FBXO17: variants seen among roughly 807,000 people sequenced by gnomAD.
The protein encoded by FBXO17 is F-box only protein 17.
FBXO17 carries 43 observed loss-of-function variants against 34.1 expected under a neutral mutation model. The observed-to-expected ratio is 1.26, with a 90% CI of 0.99 to 1.62. The LOEUF (loss-of-function observed/expected upper bound fraction) is 1.62, where lower values mean the gene tolerates loss of function less well. Among genes scored for constraint, FBXO17 ranks in the 40% most tolerant of loss-of-function variants. FBXO17 has a pLI of 0.00. For missense variants in FBXO17, 424 were observed against 386.7 expected, an observed-to-expected ratio of 1.10 and a Z score of -0.81; for synonymous variants, 169 against 166.0, an observed-to-expected ratio of 1.02 and a Z score of -0.14.
In FBXO17 at chr19:38,942,452, C is replaced by A. The variant is rs1221181314; in HGVS notation, c.*156G>T. ...ATTTTTTAAAAATTATTTGTGGAGA[C>A]GGTTTCACTATGTTGCCCAGGCTGG... On this transcript the variant is annotated 3_prime_UTR_variant, in exon 6 of 6. Transcript: ENST00000292852. 2 of 675,526 alleles carry A rather than the reference C, an allele frequency of 3.0e-6. No individual in the cohort carries two copies. The highest frequency in any genetic ancestry group is 2.2e-6 in the Non-Finnish European group (1 of 460,880). The allele number at this position is 675,526 out of a possible 1,614,324, so 41.8% of individuals were successfully genotyped here.
intron 1 of FBXO17, among the ~76,000 whole-genome samples, chr19:38,956,090 A>G (rs1600196656): frequency 6.6e-6 from 1 of 151,530 alleles, no homozygotes; most frequent in Non-Finnish European, 1.5e-5. Flanking sequence ...ACATGGCGAA[A>G]CCCCATCTCT....
Position 38,946,556 on chromosome 19 carries a change from T to C in FBXO17, c.473A>G (p.Lys158Arg). The change falls in exon 4 of 6, where the codon AAG becomes AGG. Residue 158 changes from lysine to arginine, a missense_variant. Physicochemically the swap from Lys to Arg is conservative, Grantham distance 26 (BLOSUM62 2). Transcript: ENST00000292852. The part of the protein sequence containing the change: ...CFVTSFEWCS[K>R]RQLVDLVMEG... ...CATCACCAGGTCCACAAGCTGCCTCTTGGAGCACCATCTGGGAAGGAGAGA... is the reference window on the plus strand; with the variant it reads ...CATCACCAGGTCCACAAGCTGCCTCCTGGAGCACCATCTGGGAAGGAGAGA... The C allele has an allele frequency of 6.2e-7, 1 of 1,613,990 alleles. No individual in the cohort carries two copies. The highest frequency in any genetic ancestry group is 8.5e-7 in the Non-Finnish European group (1 of 1,179,926).
chr19:38,948,078 C>T (rs1764245680), intron 3 of FBXO17, among the ~76,000 whole-genome samples: 1 of 150,858 alleles, frequency 6.6e-6, no homozygotes, highest in African/African-American at 2.4e-5. Flanking sequence ...GCAATCTCGG[C>T]TCACTGCAAC....
chr19:38,950,327 A>G lies in FBXO17; in HGVS notation c.-8T>C. 1 of 1,421,500 alleles carries G rather than the reference A, an allele frequency of 7.0e-7. No individual in the cohort carries two copies. The allele number at this position is 1,421,500 out of a possible 1,614,324, so 88.1% of individuals were successfully genotyped here. On this transcript the variant is annotated 5_prime_UTR_variant, in exon 2 of 6. Transcript: ENST00000292852. ...CGATAGCCGGGCGCCCATCTCCAGT[A>G]GCCAGAGTCCTGCAGGTCGAGAGGG... is the stretch of plus-strand genomic sequence containing the variant.
chr19:38,958,906 TTC>T (rs1436727355), intron 1 of FBXO17, among the ~76,000 whole-genome samples: 2 of 151,986 alleles, frequency 1.3e-5, no homozygotes, highest in African/African-American at 2.4e-5. Context: ...CTCTCTCTCT[TTC>T]TCTCTCTTTT....
intron 2 of FBXO17, among the ~76,000 whole-genome samples, chr19:38,949,520 T>G (rs1975037918): frequency 6.6e-6 from 1 of 151,348 alleles, no homozygotes; most frequent in Non-Finnish European, 1.5e-5. Flanking sequence ...AGGCGTGAGC[T>G]ACTGCACCCC....
At chr19:38,962,027 G>A (rs1308399188) in intron 1 of FBXO17, among the ~76,000 whole-genome samples, 1 of 150,686 alleles carries the variant, frequency 6.6e-6, no homozygotes, top group African/African-American at 2.4e-5. Flanking sequence ...ATCATATAGA[G>A]TGTCGGCTAT....
At chr19:38,964,241 G>C (rs1356369461) in intron 1 of FBXO17, among the ~76,000 whole-genome samples, 1 of 152,122 alleles carries the variant, frequency 6.6e-6, no homozygotes, top group East Asian at 1.9e-4. Flanking sequence ...GCCAGCACCT[G>C]GTATTGGTAT....
At chr19:38,957,870 G>A (rs1014503325) in intron 1 of FBXO17, among the ~76,000 whole-genome samples, 10 of 152,114 alleles carry the variant, frequency 6.6e-5, no homozygotes, top group Non-Finnish European at 1.0e-4. Context: ...GGGAGGTGGA[G>A]GCGGGAGGAT....
At chr19:38,957,034 G>A (rs1311236683) in intron 1 of FBXO17, among the ~76,000 whole-genome samples, 2 of 151,902 alleles carry the variant, frequency 1.3e-5, no homozygotes, top group African/African-American at 4.8e-5. Context: ...TATTCCTACC[G>A]CAGAAAGAAT....
Position 38,942,726 on chromosome 19 carries a change from C to T in FBXO17, c.719G>A (p.Gly240Asp), listed in dbSNP as rs1974910337. ...RQVSHVFTNFGKGIRYVSFEQ... is the reference protein window; with the variant it reads ...RQVSHVFTNFDKGIRYVSFEQ... The stretch of plus-strand genomic sequence containing the variant: ...AAAAGATACGTAGCGGATGCCCTTG[C>T]CAAAGTTGGTGAAGACGTGGGAGAC... The change falls in exon 6 of 6, where the codon GGC becomes GAC. Residue 240 changes from glycine to aspartate, a missense_variant. Physicochemically the swap from Gly to Asp is moderately conservative, Grantham distance 94 (BLOSUM62 -1). Coordinates refer to ENST00000292852, the MANE Select transcript of FBXO17 (RefSeq NM_024907.7). The T allele has an allele frequency of 6.2e-7, 1 of 1,606,422 alleles. No homozygotes were observed. Among genetic ancestry groups the T allele is most frequent in the Non-Finnish European group, 8.5e-7 (1 of 1,176,950 alleles).
chr19:38,953,110 T>C (rs1015000951), intron 1 of FBXO17, among the ~76,000 whole-genome samples: 19 of 151,988 alleles, frequency 1.3e-4, no homozygotes, highest in Admixed American at 9.9e-4. Context: ...GAGATCAGCC[T>C]GGGCAACACA....
intron 1 of FBXO17, among the ~76,000 whole-genome samples, chr19:38,959,098 G>A (rs1975210255): frequency 6.6e-6 from 1 of 150,866 alleles, no homozygotes; most frequent in Non-Finnish European, 1.5e-5. Context: ...TTTTCTAGAA[G>A]TGAGGGGTCT....
At chr19:38,946,196 T>C in intron 4 of FBXO17, 1 of 508,978 alleles carries the variant, frequency 2.0e-6, no homozygotes, top group Non-Finnish European at 3.5e-6. Context: ...AGGGGAGGTG[T>C]CTCGTTTCAG....
At chr19:38,970,499 C>T (rs1046863203) in intron 1 of FBXO17, among the ~76,000 whole-genome samples, 15 of 152,140 alleles carry the variant, frequency 9.9e-5, no homozygotes, top group Non-Finnish European at 1.5e-5. Context: ...TGAGCCACCA[C>T]GGCTGGCCCT....
chr19:38,956,881 TAA>T (rs1975174356), intron 1 of FBXO17, among the ~76,000 whole-genome samples: 1 of 151,846 alleles, frequency 6.6e-6, no homozygotes, highest in Admixed American at 6.6e-5. Flanking sequence ...AATAAATAAA[TAA>T]AATAGTTGCT....
chr19:38,942,530 G>T lies in FBXO17; in HGVS notation c.*78C>A. On this transcript the variant is annotated 3_prime_UTR_variant, in exon 6 of 6. Transcript: ENST00000292852. Reference sequence around the variant, plus strand: ...TCCCACCTCGGCCTCCTGAAGTGCTGGGATTCCACAGGTGTGAGCCACTGC... The same window carrying T: ...TCCCACCTCGGCCTCCTGAAGTGCTTGGATTCCACAGGTGTGAGCCACTGC... 1 of 1,414,622 alleles carries T rather than the reference G, an allele frequency of 7.1e-7. No homozygotes were observed. The highest frequency in any genetic ancestry group is 9.3e-7 in the Non-Finnish European group (1 of 1,078,594). 87.6% of individuals were successfully genotyped at this position (1,414,622 alleles called of 1,614,324 possible).
chr19:38,950,411 C>T (rs1408574672), intron 1 of FBXO17, 75 bp from the exon 2 acceptor site: 27 of 1,384,018 alleles, frequency 2.0e-5, no homozygotes, highest in South Asian at 1.5e-4. Context: ...CCCCAGGGCG[C>T]AAGGCCCCTG....
chr19:38,944,824 C>T, intron 5 of FBXO17, 145 bp downstream of exon 5: 2 of 1,174,816 alleles, frequency 1.7e-6, no homozygotes, highest in African/African-American at 3.1e-5. Flanking sequence ...TGACACAGGG[C>T]TTGGGATGTA....
Sources: allele counts gnomAD v4.1 joint callset (sites outside exome capture counted in the v4.1 genomes callset), GRCh38; gene constraint gnomAD v4.1.1; transcripts MANE v1.5; gene names NCBI Gene and HGNC (gene_info 2026-07-23, HGNC 2026-07-21).